Variants in VPS54 observed in about 807,000 individuals in gnomAD.
VPS54 encodes the protein vacuolar protein sorting-associated protein 54.
In VPS54, 45 loss-of-function variants were observed where a neutral mutation model predicts 121.5. That is an observed-to-expected ratio of 0.37 (90% CI 0.29 to 0.47). The LOEUF (loss-of-function observed/expected upper bound fraction) is 0.47. VPS54 is among the 20% of genes least tolerant of loss of function. The probability of loss-of-function intolerance (pLI) is 0.99; values close to 1 mark genes in which losing one functional copy is unlikely to be tolerated. For missense variants in VPS54, 1,090 were observed against 1,131.4 expected (o/e 0.96, Z 0.52); for synonymous variants, 371 against 385.8 (o/e 0.96, Z 0.45).
chr2:63,904,161 C>T (rs1009113954), intron 20 of VPS54, among the ~76,000 whole-genome samples: 1 of 152,040 alleles, frequency 6.6e-6, no homozygotes, highest in Non-Finnish European at 1.5e-5. Context: ...TATCACAGGC[C>T]GGACGTGGTG....
intron 1 of VPS54, among the ~76,000 whole-genome samples, chr2:64,016,618 T>G (rs1678709984): frequency 6.6e-6 from 1 of 151,742 alleles, no homozygotes; most frequent in African/African-American, 2.4e-5. Flanking sequence ...ATATTTTTTT[T>G]TTTTTTTTGA....
chr2:63,893,531 C>A lies in VPS54; in HGVS notation c.2833G>T (p.Val945Phe), dbSNP rs745970465. The A allele has an allele frequency of 6.2e-7, 1 of 1,612,216 alleles. No individual in the cohort carries two copies. Among genetic ancestry groups the A allele is most frequent in the Non-Finnish European group, 8.5e-7 (1 of 1,179,272 alleles). Residue 945 changes from valine (V) to phenylalanine (F), a missense_variant, in exon 23 of 23, where the codon GTC becomes TTC. By Grantham distance (50) the Val-to-Phe change is conservative. Transcript: ENST00000272322. ...GTGTAAAAAGCTACATCTGCTGTGA[C>A]CAACCTAAATAATGGAGAGAAAATT... Reference protein sequence around the residue: ...INDGGPQNGLVTADVAFYTGN... With the variant: ...INDGGPQNGLFTADVAFYTGN...
intron 6 of VPS54, among the ~76,000 whole-genome samples, chr2:63,962,989 T>G (rs1675836566): frequency 6.6e-6 from 1 of 152,148 alleles, no homozygotes; most frequent in Non-Finnish European, 1.5e-5. Flanking sequence ...ATGTAGTTAC[T>G]AAGTAGCAAA....
At chr2:63,940,717 T>TA (rs1674683462) in intron 11 of VPS54, among the ~76,000 whole-genome samples, 1 of 150,248 alleles carries the variant, frequency 6.7e-6, no homozygotes, top group Admixed American at 6.7e-5. Flanking sequence ...ATTGAAGACT[T>TA]ACTGTACTTC....
intron 20 of VPS54, among the ~76,000 whole-genome samples, chr2:63,911,666 C>T (rs1050927693): frequency 5.9e-5 from 9 of 152,134 alleles, no homozygotes; most frequent in Admixed American, 1.3e-4. Context: ...CCTGCCATTT[C>T]GGAATCTGAA....
intron 11 of VPS54, among the ~76,000 whole-genome samples, chr2:63,934,716 A>T (rs778099000): frequency 1.6e-4 from 24 of 152,198 alleles, no homozygotes; most frequent in Non-Finnish European, 3.4e-4. Flanking sequence ...ATGTACAATT[A>T]TCTTTGTTTA....
chr2:63,927,791 G>C (rs1387550945), intron 12 of VPS54, among the ~76,000 whole-genome samples: 11 of 152,160 alleles, frequency 7.2e-5, no homozygotes, highest in African/African-American at 1.4e-4. Flanking sequence ...TGGCTAACTA[G>C]AATAACCAGT....
chr2:63,920,717 TA>T, intron 13 of VPS54, 90 bp from the exon 14 acceptor site: 1 of 702,240 alleles, frequency 1.4e-6, no homozygotes, highest in African/African-American at 1.9e-5. Context: ...ATAATCTATA[TA>T]TTTTTTATTT....
At chr2:63,938,988 T>C (rs1326169328) in intron 11 of VPS54, among the ~76,000 whole-genome samples, 3 of 152,220 alleles carry the variant, frequency 2.0e-5, no homozygotes, top group Non-Finnish European at 4.4e-5. Flanking sequence ...CCTCAAGTTG[T>C]TAACAATTAC....
intron 12 of VPS54, among the ~76,000 whole-genome samples, chr2:63,927,857 G>A (rs531660527): frequency 1.1e-3 from 161 of 152,272 alleles, no homozygotes; most frequent in Middle Eastern, 0.01. Flanking sequence ...CAAGAACTTT[G>A]TGAAGCATAC....
chr2:63,926,267 A>G (rs183406815), intron 12 of VPS54, among the ~76,000 whole-genome samples: 34 of 152,350 alleles, frequency 2.2e-4, no homozygotes, highest in Non-Finnish European at 4.1e-4. Context: ...CATGAGAGAA[A>G]TAAAATTTTA....
At chr2:63,956,921 C>G (rs564727239) in intron 7 of VPS54, among the ~76,000 whole-genome samples, 1 of 152,162 alleles carries the variant, frequency 6.6e-6, no homozygotes, top group South Asian at 2.1e-4. Flanking sequence ...CCCTAAGTTT[C>G]AAGGTAACTA....
rs368083568 is a variant in VPS54 at position 63,983,981 on chromosome 2, A to C, written c.19T>G (p.Ser7Ala). ...CTGCTTCCTTGAGGCACTGGTGAAG[A>C]ACTGTGGCTTGAAGCCATTGCATAA... MASSHS[S>A]SPVPQGSSSD... is the part of the protein sequence containing the mutation. The change falls in exon 2 of 23, where the codon TCT (serine) becomes GCT (alanine). Residue 7 changes from serine (S) to alanine (A), a missense_variant. Coordinates refer to ENST00000272322, the MANE Select transcript of VPS54 (RefSeq NM_016516.3). 1.1e-5 allele frequency: 17 copies of C among 1,611,662 alleles called. No individual in the cohort carries two copies. Among genetic ancestry groups the C allele is most frequent in the African/African-American group, 2.7e-5 (2 of 74,886 alleles).
intron 1 of VPS54, among the ~76,000 whole-genome samples, chr2:63,984,883 G>A (rs1676970028): frequency 6.6e-6 from 1 of 152,168 alleles, no homozygotes; most frequent in African/African-American, 2.4e-5. Flanking sequence ...GAAATGTTTA[G>A]AGATCACCTA....
chr2:63,956,543 G>C (rs572883656), intron 7 of VPS54, among the ~76,000 whole-genome samples: 29 of 152,266 alleles, frequency 1.9e-4, no homozygotes, highest in African/African-American at 6.5e-4. Flanking sequence ...TGTTCAGAGT[G>C]ATCTATTTGA....
chr2:63,934,970 T>G (rs1019207578), intron 11 of VPS54, among the ~76,000 whole-genome samples: 4 of 152,192 alleles, frequency 2.6e-5, no homozygotes, highest in African/African-American at 4.8e-5. Flanking sequence ...CTTGGTTAGT[T>G]TTTTTGGAAT....
chr2:63,995,811 G>C (rs776754810), intron 1 of VPS54, among the ~76,000 whole-genome samples: 1 of 152,112 alleles, frequency 6.6e-6, no homozygotes, highest in Non-Finnish European at 1.5e-5. Context: ...ATGGTCAAAG[G>C]ACACCTTCTG....
intron 1 of VPS54, among the ~76,000 whole-genome samples, chr2:64,005,037 C>T (rs1678057576): frequency 6.7e-6 from 1 of 149,358 alleles, no homozygotes; most frequent in African/African-American, 2.5e-5. Flanking sequence ...ATCAGCCTCC[C>T]AGAGTGCTGG....
At chr2:63,907,074 A>G (rs528495747) in intron 20 of VPS54, among the ~76,000 whole-genome samples, 14 of 152,334 alleles carry the variant, frequency 9.2e-5, no homozygotes, top group Non-Finnish European at 1.9e-4. Flanking sequence ...TTTTAACAAA[A>G]GGTGCTGGAA....
Sources: allele counts gnomAD v4.1 joint callset (sites outside exome capture counted in the v4.1 genomes callset), GRCh38; gene constraint gnomAD v4.1.1; transcripts MANE v1.5; gene names NCBI Gene and HGNC (gene_info 2026-07-23, HGNC 2026-07-21).